The following MS4A8 variants were observed in gnomAD, a reference collection of about 807,000 sequenced individuals.
The protein encoded by MS4A8 is membrane-spanning 4-domains subfamily A member 8.
A neutral mutation model predicts 23.7 loss-of-function variants in MS4A8; 27 were observed. The observed-to-expected ratio is 1.14, with a 90% CI of 0.84 to 1.57. The LOEUF (loss-of-function observed/expected upper bound fraction) is 1.57. Ranked by LOEUF, MS4A8 falls within the 40% of genes most tolerant of loss-of-function variation. The pLI is 0.00. For synonymous variants in MS4A8, 138 were observed against 126.3 expected, an observed-to-expected ratio of 1.09 and a Z score of -0.62; for missense variants, 301 against 311.4, an observed-to-expected ratio of 0.97 and a Z score of 0.25.
In MS4A8 at chr11:60,703,365, G is replaced by A; in HGVS notation, c.220-13G>A. 6.5e-7 allele frequency: 1 copy of A among 1,533,702 alleles called. No individual in the cohort carries two copies. Among genetic ancestry groups the A allele is most frequent in the Non-Finnish European group, 8.8e-7 (1 of 1,141,778 alleles). On this transcript the variant is annotated splice_polypyrimidine_tract_variant and intron_variant, in intron 2 of 6. Transcript: ENST00000300226. ...CTCAGAAACAAGACTTCAGCTTGTG[G>A]CTCTCCTGACAGGCCATCCAGATCA... is the stretch of plus-strand genomic sequence containing the variant.
chr11:60,704,544 C>G (rs911485069), intron 3 of MS4A8, among the ~76,000 whole-genome samples: 6 of 152,168 alleles, frequency 3.9e-5, no homozygotes, highest in Admixed American at 1.3e-4. Flanking sequence ...AAACACTCAG[C>G]AAAGGTGAAG....
chr11:60,715,171 C>G (rs751975358), intron 6 of MS4A8, 37 bp downstream of exon 6: 3 of 1,552,518 alleles, frequency 1.9e-6, no homozygotes, highest in Non-Finnish European at 2.7e-6. Flanking sequence ...GGAAAGATGC[C>G]CCCAAAAAGG....
At chr11:60,706,010 G>A (rs1408808389) in intron 3 of MS4A8, among the ~76,000 whole-genome samples, 11 of 152,328 alleles carry the variant, frequency 7.2e-5, no homozygotes, top group Admixed American at 2.6e-4. Context: ...CTGTTGGGGG[G>A]AGGGCGGTGA....
chr11:60,712,791 CA>C (rs759866312), intron 5 of MS4A8, among the ~76,000 whole-genome samples: 2,239 of 135,542 alleles, frequency 0.017, 117 homozygotes, highest in Admixed American at 0.11. Context: ...CACTCTGTCT[CA>C]AAAAAAAAAA....
At chr11:60,713,999 A>G (rs929381503) in intron 5 of MS4A8, among the ~76,000 whole-genome samples, 2 of 134,652 alleles carry the variant, frequency 1.5e-5, no homozygotes, top group Non-Finnish European at 3.0e-5. Context: ...ATCTCGGCTC[A>G]CTGCAAGCTC....
chr11:60,700,668 G>A (rs2134651859), intron 1 of MS4A8, among the ~76,000 whole-genome samples, 192 bp from the exon 2 acceptor site: 1 of 152,288 alleles, frequency 6.6e-6, no homozygotes, highest in Admixed American at 6.5e-5. Flanking sequence ...CTGGGCGGGT[G>A]AGAGGATGAA....
intron 5 of MS4A8, 109 bp from the exon 6 acceptor site, chr11:60,714,912 A>T (rs1382874400): frequency 1.3e-6 from 1 of 765,628 alleles, no homozygotes; most frequent in South Asian, 1.4e-5. Context: ...CTGAGAGAGG[A>T]TAGGGGACTT....
intron 3 of MS4A8, among the ~76,000 whole-genome samples, chr11:60,703,847 C>T (rs1009283482): frequency 2.0e-5 from 3 of 152,218 alleles, no homozygotes; most frequent in African/African-American, 7.2e-5. Flanking sequence ...TTTCCACGGC[C>T]TTCCTCCATG....
chr11:60,706,447 G>C (rs570570153), intron 3 of MS4A8, among the ~76,000 whole-genome samples: 3 of 152,176 alleles, frequency 2.0e-5, no homozygotes, highest in Non-Finnish European at 4.4e-5. Context: ...GGCAGGCAAG[G>C]ATTGATGTCA....
chr11:60,710,047 T>C (rs755201070), intron 5 of MS4A8, among the ~76,000 whole-genome samples: 1 of 152,152 alleles, frequency 6.6e-6, no homozygotes, highest in Non-Finnish European at 1.5e-5. Flanking sequence ...GATTGATCCT[T>C]CTTCTCGGAG....
At position 60,712,521 on chromosome 11, in the gene MS4A8, C is replaced by T. The variant is rs187839435; in HGVS notation, c.535-2500C>T. On this transcript the variant is annotated intron_variant, in intron 5 of 6. Coordinates refer to ENST00000300226, the MANE Select transcript of MS4A8 (RefSeq NM_031457.2). ...TAATTGAGATAATTGAGGCCGGTCACGGTGGCTCACACCTGTAATCCCAGC... is the reference window on the plus strand; with the variant it reads ...TAATTGAGATAATTGAGGCCGGTCATGGTGGCTCACACCTGTAATCCCAGC... The T allele has an allele frequency of 1.7e-4, 172 of 984,874 alleles. No homozygotes were observed. The African/African-American group carries it at 2.6e-3, about 15-fold the overall frequency. The allele number at this position is 984,874 out of a possible 1,614,324, so 61.0% of individuals were successfully genotyped here.
At chr11:60,699,939 G>A (rs1032804224) in intron 1 of MS4A8, among the ~76,000 whole-genome samples, 164 bp downstream of exon 1, 4 of 152,218 alleles carry the variant, frequency 2.6e-5, no homozygotes, top group African/African-American at 9.7e-5. Flanking sequence ...ATAGGACATG[G>A]AGGGGGATGG....
At chr11:60,710,142 T>G (rs1208933578) in intron 5 of MS4A8, among the ~76,000 whole-genome samples, 1 of 152,208 alleles carries the variant, frequency 6.6e-6, no homozygotes. Flanking sequence ...CCCAATCTCT[T>G]AGGCTCAATA....
chr11:60,709,585 C>T (rs1477284733), intron 5 of MS4A8, among the ~76,000 whole-genome samples: 2 of 152,332 alleles, frequency 1.3e-5, no homozygotes, highest in East Asian at 3.9e-4. Flanking sequence ...GGACCAGCTA[C>T]ATCTCAAGTG....
In MS4A8 at chr11:60,701,047, C is replaced by A; in HGVS notation, c.187C>A (p.Gln63Lys). Residue 63 changes from glutamine to lysine, a missense_variant, in exon 2 of 7, where the codon CAG becomes AAG. Coordinates refer to ENST00000300226, the MANE Select transcript of MS4A8 (RefSeq NM_031457.2). ...LVSNVNGQPV[Q>K]KALKEGKTLG... ...GTCGAATGTGAATGGGCAGCCTGTG[C>A]AGAAAGCTCTGAAAGAAGGCAAAAC... is the stretch of plus-strand genomic sequence containing the variant. 1 of 1,614,148 alleles carries A rather than the reference C, an allele frequency of 6.2e-7. No homozygotes were observed. The highest frequency in any genetic ancestry group is 8.5e-7 in the Non-Finnish European group (1 of 1,180,046).
rs762932701 is a variant in MS4A8, at chr11:60,700,906, G to A, written c.46G>A (p.Val16Met). 2.5e-6 allele frequency: 4 copies of A among 1,614,180 alleles called. No homozygotes were observed. Among genetic ancestry groups the A allele is most frequent in the Non-Finnish European group, 8.5e-7 (1 of 1,180,040 alleles). The part of the protein sequence containing the change: ...SAVPVANSVL[V>M]VAPHNGYPVT... ...AGTTCCGGTGGCCAATTCTGTGTTG[G>A]TGGTGGCACCCCACAATGGTTATCC... Residue 16 changes from valine (V) to methionine (M), a missense_variant, in exon 2 of 7, where the codon GTG becomes ATG. Physicochemically the swap from Val to Met is conservative, Grantham distance 21 (BLOSUM62 1). Coordinates refer to ENST00000300226, the MANE Select transcript of MS4A8 (RefSeq NM_031457.2).
chr11:60,702,684 C>A (rs932532083), intron 2 of MS4A8, among the ~76,000 whole-genome samples: 1 of 152,180 alleles, frequency 6.6e-6, no homozygotes, highest in South Asian at 2.1e-4. Flanking sequence ...CAGGTGTGAG[C>A]CACTGTGCCT....
chr11:60,714,065 C>T (rs2088321678), intron 5 of MS4A8, among the ~76,000 whole-genome samples: 1 of 148,452 alleles, frequency 6.7e-6, no homozygotes, highest in Non-Finnish European at 1.5e-5. Flanking sequence ...GCTGGGACTA[C>T]AGGCACCCGC....
In MS4A8 at chr11:60,699,909, CAAGAGAAAGA is replaced by C. The variant is rs1428138878; in HGVS notation, c.-2+145_-2+154del. 3.9e-5 allele frequency: 6 copies of C among 151,900 alleles called. No individual in the cohort carries two copies. In the East Asian group the frequency reaches 1.2e-3, roughly 29 times the overall value. 9.4% of individuals were successfully genotyped at this position (151,900 alleles called of 1,614,324 possible). A position where few individuals can be genotyped will look rare whatever the true frequency, so the allele number is the denominator to read the frequency against. ...TGTACTAGCTTTATTGAGTCTGCTCCAAGAGAAAGAAAGAGAAAGATAGGACATGGAGGGG... is the reference window on the plus strand; with the variant it reads ...TGTACTAGCTTTATTGAGTCTGCTCCAAGAGAAAGATAGGACATGGAGGGG... On this transcript the variant is annotated intron_variant, in intron 1 of 6. Transcript: ENST00000300226.
Sources: gnomAD v4.1 joint callset for allele counts (sites outside exome capture counted in the v4.1 genomes callset) on GRCh38, gnomAD v4.1.1 for gene constraint, MANE v1.5 for transcripts, NCBI Gene and HGNC (gene_info 2026-07-23, HGNC 2026-07-21) for gene names.